Variants in ABCD4 observed in about 807,000 individuals in gnomAD.
The protein encoded by ABCD4 is lysosomal cobalamin transporter ABCD4.
A neutral mutation model predicts 86.3 loss-of-function variants in ABCD4; 53 were observed. That is an observed-to-expected ratio of 0.61 (90% CI 0.49 to 0.77). The LOEUF (loss-of-function observed/expected upper bound fraction) is 0.77, where lower values mean the gene tolerates loss of function less well. Among genes scored for constraint, ABCD4 ranks in the 30% least tolerant of loss-of-function variants. ABCD4 has a pLI of 0.00. For synonymous variants in ABCD4, 328 were observed against 313.6 expected (o/e 1.05, Z -0.49); for missense variants, 757 against 764.5 (o/e 0.99, Z 0.12).
intron 4 of ABCD4, chr14:74,297,054 G>A (rs974436005): frequency 2.0e-5 from 3 of 152,604 alleles, no homozygotes; most frequent in East Asian, 1.9e-4. Flanking sequence ...GGAAGGTGGT[G>A]AGTGAGGGGA....
intron 9 of ABCD4, 28 bp from the exon 10 acceptor site, chr14:74,292,670 G>C (rs755211805): frequency 1.2e-5 from 19 of 1,613,892 alleles, no homozygotes; most frequent in Middle Eastern, 1.6e-4. Flanking sequence ...AGGTCAAGCA[G>C]GTCTCGACTC....
At chr14:74,292,124 C>T (rs974643382) in intron 11 of ABCD4, among the ~76,000 whole-genome samples, 163 bp downstream of exon 11, 3 of 152,186 alleles carry the variant, frequency 2.0e-5, no homozygotes, top group South Asian at 2.1e-4. Context: ...GATGCCGGAA[C>T]AGCAACATCG....
chr14:74,289,545 A>C (rs74063804), intron 13 of ABCD4, 26 bp from the exon 14 acceptor site: 1 of 1,612,338 alleles, frequency 6.2e-7, no homozygotes, highest in Non-Finnish European at 8.5e-7. Flanking sequence ...AACCACACCA[A>C]CCTAGGAGGG....
At chr14:74,298,199 A>G in intron 3 of ABCD4, 130 bp from the exon 4 acceptor site, 4 of 1,457,148 alleles carry the variant, frequency 2.7e-6, no homozygotes, top group Non-Finnish European at 2.7e-6. Context: ...CCGTCCACTC[A>G]GCACTTTTCT....
chr14:74,291,680 A>C (rs2081519565), intron 11 of ABCD4, among the ~76,000 whole-genome samples: 1 of 152,224 alleles, frequency 6.6e-6, no homozygotes, highest in Admixed American at 6.5e-5. Flanking sequence ...TCCTAAGAAA[A>C]GCAAGTTGAG....
intron 12 of ABCD4, 29 bp from the exon 13 acceptor site, chr14:74,290,147 G>A (rs1285073322): frequency 1.2e-6 from 2 of 1,613,804 alleles, no homozygotes; most frequent in East Asian, 2.2e-5. Flanking sequence ...CCTCCATTGT[G>A]AGATCTCCCA....
Position 74,292,573 on chromosome 14 carries a change from C to G in ABCD4, c.1006G>C (p.Asp336His). ...QLIDLSTTLS[D>H]VAGYTHRIGQ... ...CACCTGTGCGTGTAGCCAGCCACAT[C>G]TGAGAGCGTCGTGGACAGGTCGATG... Residue 336 changes from aspartate to histidine, a missense_variant, in exon 10 of 19, where the codon GAT (aspartate) becomes CAT (histidine). By Grantham distance (81) the Asp-to-His change is moderately conservative. Coordinates refer to ENST00000356924, the MANE Select transcript of ABCD4 (RefSeq NM_005050.4). The G allele has an allele frequency of 1.2e-6, 2 of 1,614,046 alleles. No individual in the cohort carries two copies. Among genetic ancestry groups the G allele is most frequent in the African/African-American group, 1.3e-5 (1 of 75,032 alleles).
intron 1 of ABCD4, among the ~76,000 whole-genome samples, chr14:74,301,900 A>AAAAGAAAGAAAG (rs533778989): frequency 1.1e-4 from 16 of 151,888 alleles, no homozygotes; most frequent in African/African-American, 2.9e-4. Context: ...ACTCCGTCTC[A>AAAAGAAAGAAAG]AAAGAAAGAA....
At chr14:74,298,514 G>A (rs2083466902) in intron 3 of ABCD4, among the ~76,000 whole-genome samples, 2 of 152,048 alleles carry the variant, frequency 1.3e-5, no homozygotes, top group Admixed American at 6.6e-5. Flanking sequence ...CAGGTGATCC[G>A]CCCGCCTCGG....
chr14:74,298,817 T>C (rs2083546658), intron 3 of ABCD4, among the ~76,000 whole-genome samples: 1 of 152,212 alleles, frequency 6.6e-6, no homozygotes, highest in Non-Finnish European at 1.5e-5. Context: ...TGGCACAGCC[T>C]GGCAGACAGC....
intron 5 of ABCD4, 102 bp downstream of exon 5, chr14:74,296,231 G>A (rs1165855686): frequency 1.1e-5 from 14 of 1,267,334 alleles, no homozygotes; most frequent in African/African-American, 4.4e-5. Flanking sequence ...GGTAAGGTAC[G>A]GTGGGAGAGA....
intron 13 of ABCD4, chr14:74,289,785 T>C: frequency 7.0e-7 from 1 of 1,436,006 alleles, no homozygotes; most frequent in Non-Finnish European, 9.1e-7. Flanking sequence ...GACATACGCG[T>C]GTGGTATTTG....
At position 74,288,768 on chromosome 14, in the gene ABCD4, G is replaced by A. The variant is rs1358427383; in HGVS notation, c.1457-3C>T. The A allele has an allele frequency of 1.4e-5, 22 of 1,613,096 alleles. No individual in the cohort carries two copies. The highest frequency in any genetic ancestry group is 1.8e-5 in the Non-Finnish European group (21 of 1,179,708). On this transcript the variant is annotated splice_polypyrimidine_tract_variant and splice_region_variant and intron_variant, in intron 14 of 18. Coordinates refer to ENST00000356924, the MANE Select transcript of ABCD4 (RefSeq NM_005050.4). ...GATCCTCTCATCATCGGCAGAACCT[G>A]CACAACAAAGAAGCCTTCTGCAAAA...
In ABCD4 at chr14:74,286,456, G is replaced by T; in HGVS notation, c.*5C>A. The T allele has an allele frequency of 6.2e-7, 1 of 1,614,160 alleles. No individual in the cohort carries two copies. The highest frequency in any genetic ancestry group is 8.5e-7 in the Non-Finnish European group (1 of 1,180,010). ...AGTGTGGCTCTCCTTCCAAAAGCCAGAGCTTCATTCCACTTTGATTCTCAT... is the reference window on the plus strand; with the variant it reads ...AGTGTGGCTCTCCTTCCAAAAGCCATAGCTTCATTCCACTTTGATTCTCAT... On this transcript the variant is annotated 3_prime_UTR_variant, in exon 19 of 19. Coordinates refer to ENST00000356924, the MANE Select transcript of ABCD4 (RefSeq NM_005050.4).
intron 13 of ABCD4, 131 bp from the exon 14 acceptor site, chr14:74,289,650 G>A (rs2080913522): frequency 6.7e-7 from 1 of 1,485,620 alleles, no homozygotes; most frequent in South Asian, 1.4e-5. Context: ...GCCTGGGTCA[G>A]ATGGGAGAGG....
chr14:74,300,186 A>G lies in ABCD4; in HGVS notation c.121T>C (p.Leu41=). ...LFPSWSSQNA[L]MFLTLLCLTL... Reference sequence around the variant, plus strand: ...AGGCACAAAAGGGTCAGGAACATCAAGGCATTTTGTGATGACCAAGAAGGA... The same window carrying G: ...AGGCACAAAAGGGTCAGGAACATCAGGGCATTTTGTGATGACCAAGAAGGA... The change falls in exon 2 of 19, where the codon TTG becomes CTG. Residue 41 remains leucine, a synonymous_variant. Coordinates refer to ENST00000356924, the MANE Select transcript of ABCD4 (RefSeq NM_005050.4). 6.2e-7 allele frequency: 1 copy of G among 1,613,952 alleles called. No homozygotes were observed. Among genetic ancestry groups the G allele is most frequent in the African/African-American group, 1.3e-5 (1 of 75,008 alleles).
intron 12 of ABCD4, 51 bp downstream of exon 12, chr14:74,290,240 C>T (rs1174373393): frequency 1.9e-6 from 3 of 1,612,892 alleles, no homozygotes; most frequent in African/African-American, 2.7e-5. Flanking sequence ...CGCCTTCACC[C>T]CACCCCTAGG....
intron 9 of ABCD4, 31 bp from the exon 10 acceptor site, chr14:74,292,673 C>G: frequency 1.9e-6 from 3 of 1,613,956 alleles, no homozygotes; most frequent in Non-Finnish European, 1.7e-6. Flanking sequence ...TCAAGCAGGT[C>G]TCGACTCGAG....
chr14:74,296,999 C>G (rs1327401166), intron 4 of ABCD4: 1 of 153,044 alleles, frequency 6.5e-6, no homozygotes, highest in Non-Finnish European at 1.5e-5. Flanking sequence ...TGCACCAAAG[C>G]TAAGCTTGAG....
Sources: allele counts gnomAD v4.1 joint callset (sites outside exome capture counted in the v4.1 genomes callset), GRCh38; gene constraint gnomAD v4.1.1; transcripts MANE v1.5; gene names NCBI Gene and HGNC (gene_info 2026-07-23, HGNC 2026-07-21).